The following AGAP3 variants were observed in gnomAD, a reference collection of about 807,000 sequenced individuals.
AGAP3 encodes arf-GAP with GTPase, ANK repeat and PH domain-containing protein 3.
Under a neutral mutation model 96.9 loss-of-function variants are expected in AGAP3, and 24 were observed. The ratio of observed to expected loss-of-function variants is 0.25; its 90% CI spans 0.18 to 0.35. The LOEUF (loss-of-function observed/expected upper bound fraction) is 0.35. Among genes scored for constraint, AGAP3 ranks in the 10% least tolerant of loss-of-function variants. The probability of loss-of-function intolerance (pLI) is 1.00; values close to 1 mark genes in which losing one functional copy is unlikely to be tolerated. For synonymous variants in AGAP3, 563 were observed against 536.1 expected, an observed-to-expected ratio of 1.05 and a Z score of -0.69; for missense variants, 876 against 1,254.2, an observed-to-expected ratio of 0.70 and a Z score of 4.55.
At chr7:151,122,748 T>C (rs1043198163) in intron 8 of AGAP3, 1 of 1,613,876 alleles carries the variant, frequency 6.2e-7, no homozygotes, top group Non-Finnish European at 8.5e-7. Flanking sequence ...TTTCCAACTT[T>C]TCATCAACAA....
rs151124846 is a variant in AGAP3 at position 151,092,222 on chromosome 7, C to T, written c.331+5150C>T. 1.8e-3 allele frequency among the ~76,000 whole-genome samples: 281 copies of T among 152,242 alleles called. 2 individuals are homozygous for T. The highest frequency in any genetic ancestry group is 0.014 in the Middle Eastern group (4 of 292). On this transcript the variant is annotated intron_variant, in intron 1 of 17. Transcript: ENST00000397238. The stretch of plus-strand genomic sequence containing the variant: ...GTGAGCCCCCTACCAGCTGTCAGTG[C>T]GTCCCTGGCCCAGAAGTGGAGGGAA...
chr7:151,122,386 G>A (rs1020154359), intron 8 of AGAP3, among the ~76,000 whole-genome samples: 2 of 152,196 alleles, frequency 1.3e-5, no homozygotes, highest in African/African-American at 4.8e-5. Flanking sequence ...CTGTGCCCTT[G>A]GCTCCTGGCA....
intron 1 of AGAP3, chr7:151,089,959 G>A (rs10270107): frequency 0.28 from 42,872 of 151,932 alleles, 6,311 homozygotes; most frequent in Admixed American, 0.4. Context: ...GCCCGCTTCC[G>A]GCTTGGCACT....
intron 1 of AGAP3, 39 bp from the exon 2 acceptor site, chr7:151,116,754 G>A (rs1563470896): frequency 6.2e-7 from 1 of 1,612,302 alleles, no homozygotes; most frequent in Admixed American, 1.7e-5. Flanking sequence ...AGGTGTGTGT[G>A]CCACCCTGGC....
chr7:151,117,031 C>G, intron 2 of AGAP3, 64 bp from the exon 3 acceptor site: 1 of 1,551,012 alleles, frequency 6.4e-7, no homozygotes, highest in Non-Finnish European at 8.9e-7. Context: ...CTTTGCTTTT[C>G]CTGCTGGGTC....
chr7:151,126,710 A>G (rs1800193778), intron 9 of AGAP3, among the ~76,000 whole-genome samples: 1 of 152,200 alleles, frequency 6.6e-6, no homozygotes, highest in Admixed American at 6.5e-5. Context: ...GCCCCTGGCC[A>G]GTGACAGGAA....
chr7:151,087,925 G>A (rs6464125), intron 1 of AGAP3, among the ~76,000 whole-genome samples: 62,770 of 152,212 alleles, frequency 0.41, 14,069 homozygotes, highest in East Asian at 0.58. Flanking sequence ...CAGGCACCCC[G>A]GTGGCATGGT....
At chr7:151,123,037 G>C (rs2150492512) in intron 8 of AGAP3, 3 of 1,343,846 alleles carry the variant, frequency 2.2e-6, no homozygotes, top group Non-Finnish European at 2.9e-6. Flanking sequence ...AAGGCAGCTC[G>C]GCCCCACGCC....
chr7:151,137,798 C>T, intron 11 of AGAP3: 1 of 349,248 alleles, frequency 2.9e-6, no homozygotes. Flanking sequence ...GGGGCCCAAG[C>T]CAGGAGGGGC....
intron 9 of AGAP3, among the ~76,000 whole-genome samples, chr7:151,127,874 C>T (rs1800242701): frequency 6.6e-6 from 1 of 152,232 alleles, no homozygotes; most frequent in South Asian, 2.1e-4. Flanking sequence ...GTTCTTCCAA[C>T]ATATGTTTAC....
intron 1 of AGAP3, chr7:151,115,761 C>A: frequency 1.7e-6 from 1 of 600,794 alleles, no homozygotes; most frequent in Non-Finnish European, 2.2e-6. Flanking sequence ...GGGGTCTGGA[C>A]CGAGTGTCGT....
At chr7:151,116,569 C>T (rs1199480393) in intron 1 of AGAP3, 6 of 567,792 alleles carry the variant, frequency 1.1e-5, no homozygotes, top group South Asian at 8.9e-5. Flanking sequence ...GAGCCCACAG[C>T]CCTCAGAGTC....
At chr7:151,094,294 T>A (rs1429351721) in intron 1 of AGAP3, among the ~76,000 whole-genome samples, 2 of 152,140 alleles carry the variant, frequency 1.3e-5, no homozygotes, top group African/African-American at 4.8e-5. Context: ...TACGCTTGTC[T>A]CGTTATTGCT....
At chr7:151,129,850 C>G (rs1281265278) in intron 10 of AGAP3, among the ~76,000 whole-genome samples, 3 of 152,242 alleles carry the variant, frequency 2.0e-5, no homozygotes, top group Non-Finnish European at 4.4e-5. Flanking sequence ...GGCTTTGTTA[C>G]TGTGTACACA....
In AGAP3 at chr7:151,133,670, T is replaced by C. The variant is rs371795736; in HGVS notation, c.1327-730T>C. Among the ~76,000 whole-genome samples the C allele has an allele frequency of 7.2e-5, 11 of 152,312 alleles. No individual in the cohort carries two copies. Among genetic ancestry groups the C allele is most frequent in the African/African-American group, 2.6e-4 (11 of 41,572 alleles). ...GCAGATAAGCCTTTCTAAGCCTCAG[T>C]TGCTTCATCTACAAAACAGGCACTA... is the stretch of plus-strand genomic sequence containing the variant. On this transcript the variant is annotated intron_variant, in intron 10 of 17. Transcript: ENST00000397238. The surrounding 1 kb of genome is among the most constrained non-coding windows in gnomAD (Gnocchi z 5.4).
chr7:151,138,178 T>G lies in AGAP3; in HGVS notation c.1531T>G (p.Ser511Ala). ...CTCGGCCAGCAGCGCATCCCTGCAC[T>G]CTGAGCGCCCCCTCAGCAGCTCGGC... Reference protein sequence around the residue: ...PHSASSASLHSERPLSSSAWA... With the variant: ...PHSASSASLHAERPLSSSAWA... The change falls in exon 12 of 18, where the codon TCT (serine) becomes GCT (alanine). Residue 511 changes from serine (S) to alanine (A), a missense_variant. By Grantham distance (99) the Ser-to-Ala change is moderately conservative. Around this residue, in one of 8 missense-constraint regions of AGAP3, gnomAD observed 155 missense variants for 144.4 expected, o/e 1.07. Coordinates refer to ENST00000397238, the MANE Select transcript of AGAP3 (RefSeq NM_031946.7). The G allele has an allele frequency of 6.2e-7, 1 of 1,608,582 alleles. No individual in the cohort carries two copies. The highest frequency in any genetic ancestry group is 8.5e-7 in the Non-Finnish European group (1 of 1,178,182).
At position 151,116,800 on chromosome 7, in the gene AGAP3, T is replaced by C; in HGVS notation, c.339T>C (p.Phe113=). The C allele has an allele frequency of 6.2e-7, 1 of 1,614,078 alleles. No individual in the cohort carries two copies. Among genetic ancestry groups the C allele is most frequent in the Non-Finnish European group, 8.5e-7 (1 of 1,179,992 alleles). The change falls in exon 2 of 18, where the codon TTT becomes TTC. Residue 113 remains phenylalanine, a synonymous_variant. Coordinates refer to ENST00000397238, the MANE Select transcript of AGAP3 (RefSeq NM_031946.7). ...CGGCTCTGTCTTCCGCAGACTCGTTTGTGAACAGCCAGGAGTGGACGCTGA... is the reference window on the plus strand; with the variant it reads ...CGGCTCTGTCTTCCGCAGACTCGTTCGTGAACAGCCAGGAGTGGACGCTGA... ...REHVISIEDS[F]VNSQEWTLSR...
intron 1 of AGAP3, among the ~76,000 whole-genome samples, chr7:151,113,368 G>A (rs185596365): frequency 0.016 from 2,384 of 151,794 alleles, 69 homozygotes; most frequent in African/African-American, 0.055. Flanking sequence ...CACCACCAGG[G>A]CCTCTCCAGG....
chr7:151,108,703 AAAT>A lies in AGAP3; in HGVS notation c.332-8086_332-8084del, dbSNP rs1799159823. Among the ~76,000 whole-genome samples, 2 of 152,298 alleles carry A rather than the reference AAAT, an allele frequency of 1.3e-5. No individual in the cohort carries two copies. The highest frequency in any genetic ancestry group is 3.9e-4 in the East Asian group (2 of 5,180). On this transcript the variant is annotated intron_variant, in intron 1 of 17. Coordinates refer to ENST00000397238, the MANE Select transcript of AGAP3 (RefSeq NM_031946.7). The surrounding 1 kb of genome is among the most constrained non-coding windows in gnomAD (Gnocchi z 4.2). The stretch of plus-strand genomic sequence containing the variant: ...TGAATGCACTTAGTAAGCACTCAAA[AAAT>A]AATGTGAAATGATGACTTAGAGGCC...
Sources: gnomAD v4.1 joint callset for allele counts (sites outside exome capture counted in the v4.1 genomes callset) on GRCh38, gnomAD v4.1.1 for gene constraint, gnomAD v4.1.1 regional missense constraint, Gnocchi (gnomAD v3.1) non-coding constraint, MANE v1.5 for transcripts, NCBI Gene and HGNC (gene_info 2026-07-23, HGNC 2026-07-21) for gene names.